The following SUPT5H variants were observed in gnomAD, a reference collection of about 807,000 sequenced individuals.
SUPT5H encodes SPT5 homolog, DSIF elongation factor subunit, also known as transcription elongation factor SPT5.
In SUPT5H, 24 loss-of-function variants were observed where a neutral mutation model predicts 142.5. The ratio of observed to expected loss-of-function variants is 0.17; its 90% CI spans 0.12 to 0.24. The LOEUF (loss-of-function observed/expected upper bound fraction) is 0.24. Ranked by LOEUF, SUPT5H falls within the 10% of genes least tolerant of loss-of-function variation. The probability of loss-of-function intolerance (pLI) is 1.00; values close to 1 mark genes in which losing one functional copy is unlikely to be tolerated. For missense variants in SUPT5H, 893 were observed against 1,471.8 expected (o/e 0.61, Z 6.43); for synonymous variants, 546 against 553.0 (o/e 0.99, Z 0.18).
At chr19:39,467,281 G>A (rs2079254018) in intron 13 of SUPT5H, among the ~76,000 whole-genome samples, 1 of 152,106 alleles carries the variant, frequency 6.6e-6, no homozygotes. Flanking sequence ...TACTTGGGAG[G>A]CTGAGGCAGG....
At position 39,470,182 on chromosome 19, in the gene SUPT5H, G is replaced by T. The variant is rs1365408429; in HGVS notation, c.1438G>T (p.Val480Leu). The T allele has an allele frequency of 1.2e-6, 2 of 1,612,280 alleles. No homozygotes were observed. Residue 480 changes from valine (V) to leucine (L), a missense_variant, in exon 17 of 30, where the codon GTG becomes TTG. Physicochemically the swap from Val to Leu is conservative, Grantham distance 32 (BLOSUM62 1). This residue lies in a region of SUPT5H where 428 missense variants were observed against 763.5 expected (regional missense o/e 0.56). Transcript: ENST00000432763. The surrounding 1 kb of genome is among the most constrained non-coding windows in gnomAD (Gnocchi z 5.8). ...KYFKMGDHVK[V>L]IAGRFEGDTG... ...CTTCAAGATGGGGGACCACGTGAAGGTGATTGCTGGCCGATTCGAGGGCGA... is the reference window on the plus strand; with the variant it reads ...CTTCAAGATGGGGGACCACGTGAAGTTGATTGCTGGCCGATTCGAGGGCGA...
intron 28 of SUPT5H, 149 bp from the exon 29 acceptor site, chr19:39,475,932 G>A (rs2079398745): frequency 5.9e-6 from 4 of 683,530 alleles, no homozygotes; most frequent in Non-Finnish European, 9.8e-6. Context: ...CAGGCCCCAG[G>A]CCTTGGAACC....
intron 9 of SUPT5H, 130 bp from the exon 10 acceptor site, chr19:39,459,762 G>A: frequency 7.7e-7 from 1 of 1,296,858 alleles, no homozygotes; most frequent in Non-Finnish European, 1.1e-6. Flanking sequence ...CCATCTTCCT[G>A]GCTGTCCATC....
In SUPT5H at chr19:39,469,895, C is replaced by T. The variant is rs547052644; in HGVS notation, c.1375-224C>T. Reference sequence around the variant, plus strand: ...AGGTAGGCATCGTGTGTCTTGAGGGCGGGCTGGGGTAAAGGTTGTCCAGGT... The same window carrying T: ...AGGTAGGCATCGTGTGTCTTGAGGGTGGGCTGGGGTAAAGGTTGTCCAGGT... On this transcript the variant is annotated intron_variant, in intron 16 of 29. Transcript: ENST00000432763. This position sits in a 1 kb window ranked among gnomAD's most constrained non-coding sequence, Gnocchi z 5.1. 3.2e-5 allele frequency: 18 copies of T among 556,714 alleles called. No individual in the cohort carries two copies. Among genetic ancestry groups the T allele is most frequent in the Middle Eastern group, 4.9e-4 (1 of 2,048 alleles). 34.5% of individuals were successfully genotyped at this position (556,714 alleles called of 1,614,324 possible).
chr19:39,469,414 T>C lies in SUPT5H; in HGVS notation c.1374+16T>C. The C allele has an allele frequency of 6.2e-7, 1 of 1,614,158 alleles. No homozygotes were observed. The highest frequency in any genetic ancestry group is 8.5e-7 in the Non-Finnish European group (1 of 1,180,026). ...GGACCTCAAGGTGGGTGCCCGGTGT[T>C]CTCGGGCAGGGGTTGGAGTGTTCAG... is the stretch of plus-strand genomic sequence containing the variant. On this transcript the variant is annotated intron_variant, in intron 16 of 29. Coordinates refer to ENST00000432763, the MANE Select transcript of SUPT5H (RefSeq NM_001111020.3). This position sits in a 1 kb window ranked among gnomAD's most constrained non-coding sequence, Gnocchi z 5.1.
intron 2 of SUPT5H, among the ~76,000 whole-genome samples, chr19:39,447,471 G>A (rs1351719690): frequency 3.0e-4 from 18 of 59,758 alleles, no homozygotes; most frequent in East Asian, 1.3e-3. Context: ...TTTTTTTTGA[G>A]ACAGCATCTC....
In SUPT5H at chr19:39,470,590, C is replaced by G. The variant is rs2079305670; in HGVS notation, c.1677+67C>G. On this transcript the variant is annotated intron_variant, in intron 18 of 29. Transcript: ENST00000432763. This position sits in a 1 kb window ranked among gnomAD's most constrained non-coding sequence, Gnocchi z 5.8. Reference sequence around the variant, plus strand: ...GGCTTCCTGTCCCTCAACCCCTCATCCTGGGAGGTGGCAGAGCCCCCAGAC... The same window carrying G: ...GGCTTCCTGTCCCTCAACCCCTCATGCTGGGAGGTGGCAGAGCCCCCAGAC... 3 of 1,448,168 alleles carry G rather than the reference C, an allele frequency of 2.1e-6. No homozygotes were observed. The highest frequency in any genetic ancestry group is 3.1e-5 in the South Asian group (2 of 64,728). The allele number at this position is 1,448,168 out of a possible 1,614,324, so 89.7% of individuals were successfully genotyped here.
At chr19:39,448,680 A>G (rs1044735575) in intron 2 of SUPT5H, among the ~76,000 whole-genome samples, 3 of 152,104 alleles carry the variant, frequency 2.0e-5, no homozygotes, top group African/African-American at 7.2e-5. Flanking sequence ...AAATGATGAC[A>G]TGGTCCTTGA....
chr19:39,445,712 C>T, intron 1 of SUPT5H, 75 bp downstream of exon 1: 1 of 703,270 alleles, frequency 1.4e-6, no homozygotes. Context: ...CTGGGGAGGT[C>T]TAGCATGTGG....
Position 39,458,020 on chromosome 19 carries a change from G to T in SUPT5H, c.308-274G>T, listed in dbSNP as rs1334286896. 5 of 731,458 alleles carry T rather than the reference G, an allele frequency of 6.8e-6. No homozygotes were observed. Among genetic ancestry groups the T allele is most frequent in the Non-Finnish European group, 1.1e-5 (5 of 443,646 alleles). 45.3% of individuals were successfully genotyped at this position (731,458 alleles called of 1,614,324 possible). A position where few individuals can be genotyped will look rare whatever the true frequency, so the allele number is the denominator to read the frequency against. On this transcript the variant is annotated intron_variant, in intron 4 of 29. Coordinates refer to ENST00000432763, the MANE Select transcript of SUPT5H (RefSeq NM_001111020.3). The surrounding 1 kb of genome is among the most constrained non-coding windows in gnomAD (Gnocchi z 4.2). ...TGGGGTTGTAGGGTGGGCGAGCTCT[G>T]TCCCAAGATACCCCCCACTTCCTGG... is the stretch of plus-strand genomic sequence containing the variant.
intron 3 of SUPT5H, among the ~76,000 whole-genome samples, chr19:39,456,428 G>A (rs1481444328): frequency 7.1e-6 from 1 of 141,126 alleles, no homozygotes; most frequent in Non-Finnish European, 1.5e-5. Context: ...TGTTGTTGTT[G>A]TTGTTTTTGA....
At chr19:39,450,242 G>A (rs1467764263) in intron 2 of SUPT5H, among the ~76,000 whole-genome samples, 1 of 152,014 alleles carries the variant, frequency 6.6e-6, no homozygotes, top group African/African-American at 2.4e-5. Context: ...CCTAGCTAAG[G>A]AGGGAATATT....
chr19:39,456,827 G>T (rs2079097069), intron 3 of SUPT5H, among the ~76,000 whole-genome samples: 1 of 152,162 alleles, frequency 6.6e-6, no homozygotes, highest in Non-Finnish European at 1.5e-5. Context: ...CCAAAGTGTT[G>T]AGATTACAGG....
chr19:39,462,378 T>C (rs12975657), intron 10 of SUPT5H, among the ~76,000 whole-genome samples: 24,577 of 152,114 alleles, frequency 0.16, 2,058 homozygotes, highest in Non-Finnish European at 0.18. Context: ...CTGGTAACTA[T>C]GAATCTACCT....
chr19:39,452,036 A>G (rs1428457403), intron 2 of SUPT5H, among the ~76,000 whole-genome samples: 1 of 152,138 alleles, frequency 6.6e-6, no homozygotes, highest in Admixed American at 6.6e-5. Context: ...GTTAGAGGGC[A>G]GTGTCCTGGC....
Position 39,473,139 on chromosome 19 carries a change from C to G in SUPT5H, c.2258+25C>G, listed in dbSNP as rs2079347032. ...TGTACGGGCGGGGCCTGGGGAGGGC[C>G]AGGGTGGGGCTTGCTAGGCAGTGAG... On this transcript the variant is annotated intron_variant, in intron 23 of 29. Coordinates refer to ENST00000432763, the MANE Select transcript of SUPT5H (RefSeq NM_001111020.3). This position sits in a 1 kb window ranked among gnomAD's most constrained non-coding sequence, Gnocchi z 5.8. 6.2e-7 allele frequency: 1 copy of G among 1,611,768 alleles called. No homozygotes were observed. Among genetic ancestry groups the G allele is most frequent in the Non-Finnish European group, 8.5e-7 (1 of 1,179,592 alleles).
chr19:39,457,212 G>A (rs1442735240), intron 3 of SUPT5H, among the ~76,000 whole-genome samples: 2 of 152,076 alleles, frequency 1.3e-5, no homozygotes, highest in Non-Finnish European at 2.9e-5. Flanking sequence ...TGCCTCCCTC[G>A]GGGTTGCCAG....
At chr19:39,463,743 C>T (rs1236675415) in intron 10 of SUPT5H, among the ~76,000 whole-genome samples, 7 of 152,202 alleles carry the variant, frequency 4.6e-5, no homozygotes, top group African/African-American at 1.7e-4. Context: ...TGATTGAAAG[C>T]AGGGTATTGC....
intron 28 of SUPT5H, chr19:39,475,843 A>C: frequency 1.8e-6 from 1 of 554,256 alleles, no homozygotes; most frequent in East Asian, 3.0e-5. Flanking sequence ...GTCAAGAAGC[A>C]GTCTCCTTTT....
Sources: allele counts gnomAD v4.1 joint callset (sites outside exome capture counted in the v4.1 genomes callset), GRCh38; gene constraint gnomAD v4.1.1; regional missense constraint gnomAD v4.1.1; non-coding constraint Gnocchi (gnomAD v3.1); transcripts MANE v1.5; gene names NCBI Gene and HGNC (gene_info 2026-07-23, HGNC 2026-07-21).